The following LHFPL3 variants were observed in gnomAD, a reference collection of about 807,000 sequenced individuals.
LHFPL3 encodes LHFPL tetraspan subfamily member 3 protein.
In LHFPL3, 5 loss-of-function variants were observed where a neutral mutation model predicts 19.3. That is an observed-to-expected ratio of 0.26 (90% CI 0.14 to 0.54). LHFPL3 has a LOEUF of 0.54. Among genes scored for constraint, LHFPL3 ranks in the 20% least tolerant of loss-of-function variants. The probability of loss-of-function intolerance (pLI) is 0.94; values close to 1 mark genes in which losing one functional copy is unlikely to be tolerated. For synonymous variants in LHFPL3, 133 were observed against 126.2 expected (o/e 1.05, Z -0.36); for missense variants, 249 against 307.4 (o/e 0.81, Z 1.42).
chr7:104,870,337 A>T (rs1791808913), intron 2 of LHFPL3, among the ~76,000 whole-genome samples: 1 of 152,192 alleles, frequency 6.6e-6, no homozygotes, highest in South Asian at 2.1e-4. Flanking sequence ...TATAGCACAG[A>T]TGAGTTCAAA....
intron 1 of LHFPL3, among the ~76,000 whole-genome samples, chr7:104,365,215 C>T (rs539542424): frequency 6.6e-6 from 1 of 152,170 alleles, no homozygotes; most frequent in East Asian, 1.9e-4. Flanking sequence ...AGGAGAATTG[C>T]TTGAACCTGA....
intron 1 of LHFPL3, among the ~76,000 whole-genome samples, chr7:104,522,286 A>G (rs547595657): frequency 3.3e-5 from 5 of 151,456 alleles, no homozygotes; most frequent in African/African-American, 9.7e-5. Context: ...CTATCACAAG[A>G]ACAAAAAACC....
At chr7:104,668,975 C>T in intron 1 of LHFPL3, 1 of 1,612,320 alleles carries the variant, frequency 6.2e-7, no homozygotes, top group Non-Finnish European at 8.5e-7. Flanking sequence ...AGTGAAGAAA[C>T]TCAGGAACGG....
chr7:104,330,886 A>G (rs572838770), intron 1 of LHFPL3, among the ~76,000 whole-genome samples: 1 of 152,348 alleles, frequency 6.6e-6, no homozygotes, highest in East Asian at 1.9e-4. Flanking sequence ...GGACACACAC[A>G]TGCAGATGCT....
intron 1 of LHFPL3, among the ~76,000 whole-genome samples, chr7:104,659,301 C>T (rs1792178577): frequency 6.6e-6 from 1 of 152,202 alleles, no homozygotes; most frequent in Non-Finnish European, 1.5e-5. Flanking sequence ...TCCTCCTTGG[C>T]AGAATTCATC....
At chr7:104,630,084 A>G (rs1791613833) in intron 1 of LHFPL3, among the ~76,000 whole-genome samples, 1 of 152,204 alleles carries the variant, frequency 6.6e-6, no homozygotes, top group Non-Finnish European at 1.5e-5. Flanking sequence ...AGAAAGAAAT[A>G]TAGGAGAAAT....
chr7:104,330,152 C>T (rs1028028850), intron 1 of LHFPL3, among the ~76,000 whole-genome samples: 1 of 152,176 alleles, frequency 6.6e-6, no homozygotes, highest in African/African-American at 2.4e-5. Flanking sequence ...AGTCCTGAAA[C>T]AAAACTGACT....
chr7:104,819,682 G>T (rs1176586785), intron 2 of LHFPL3, among the ~76,000 whole-genome samples: 1 of 152,206 alleles, frequency 6.6e-6, no homozygotes, highest in African/African-American at 2.4e-5. Context: ...TCACAGGGAA[G>T]TCCTTTGCTT....
At chr7:104,340,679 G>A (rs929089144) in intron 1 of LHFPL3, among the ~76,000 whole-genome samples, 26 of 152,118 alleles carry the variant, frequency 1.7e-4, no homozygotes, top group African/African-American at 5.8e-4. Flanking sequence ...AAATGTTTGC[G>A]AGTATTTTTA....
intron 2 of LHFPL3, among the ~76,000 whole-genome samples, chr7:104,823,901 T>A (rs1038350113): frequency 2.6e-5 from 4 of 151,700 alleles, no homozygotes; most frequent in African/African-American, 9.7e-5. Context: ...ATCCCAGCAC[T>A]TTGGGAGGCC....
At chr7:104,784,740 T>C (rs982912257) in intron 2 of LHFPL3, among the ~76,000 whole-genome samples, 1 of 152,222 alleles carries the variant, frequency 6.6e-6, no homozygotes, top group Non-Finnish European at 1.5e-5. Flanking sequence ...AAACAAAATG[T>C]CATATGACTT....
rs200656262 is a variant in LHFPL3 at position 104,835,754 on chromosome 7, AATT to A, written c.683-70423_683-70421del. On this transcript the variant is annotated intron_variant, in intron 2 of 2. Transcript: ENST00000424859. ...TTGTTTCATATTGATCTACACGTTA[AATT>A]ATTATTATTTTTTTTTACTTTAAGT... Among the ~76,000 whole-genome samples the A allele has an allele frequency of 7.2e-3, 891 of 123,672 alleles. 21 individuals are homozygous for A. Among genetic ancestry groups the A allele is most frequent in the African/African-American group, 0.019 (747 of 38,650 alleles). The allele number at this position is 123,672 out of a possible 152,430, so 81.1% of individuals were successfully genotyped here. A position where few individuals can be genotyped will look rare whatever the true frequency, so the allele number is the denominator to read the frequency against.
At chr7:104,712,476 C>A (rs1793315883) in intron 1 of LHFPL3, among the ~76,000 whole-genome samples, 2 of 152,192 alleles carry the variant, frequency 1.3e-5, no homozygotes, top group Admixed American at 6.5e-5. Context: ...GACCTAATTA[C>A]CTCACAAAAT....
At chr7:104,419,943 C>T (rs930312594) in intron 1 of LHFPL3, among the ~76,000 whole-genome samples, 2 of 151,994 alleles carry the variant, frequency 1.3e-5, no homozygotes, top group Non-Finnish European at 2.9e-5. Flanking sequence ...CATCCTCAGT[C>T]TCCCAGAGTT....
At chr7:104,850,114 C>T (rs1048676058) in intron 2 of LHFPL3, among the ~76,000 whole-genome samples, 2 of 152,206 alleles carry the variant, frequency 1.3e-5, no homozygotes, top group Non-Finnish European at 2.9e-5. Flanking sequence ...ACCAGCCTGA[C>T]CAACATGGAG....
At chr7:104,848,198 C>T (rs1359783264) in intron 2 of LHFPL3, among the ~76,000 whole-genome samples, 9 of 152,104 alleles carry the variant, frequency 5.9e-5, no homozygotes, top group African/African-American at 1.4e-4. Context: ...CTCTTGATGC[C>T]GCCTCTGCAT....
intron 2 of LHFPL3, among the ~76,000 whole-genome samples, chr7:104,760,598 CAAAT>C (rs1383358157): frequency 2.0e-5 from 3 of 148,204 alleles, no homozygotes; most frequent in African/African-American, 7.4e-5. Flanking sequence ...GCTACATCAT[CAAAT>C]ATTTTCCTAG....
chr7:104,391,544 A>G (rs1211322841), intron 1 of LHFPL3, among the ~76,000 whole-genome samples: 1 of 152,028 alleles, frequency 6.6e-6, no homozygotes, highest in Non-Finnish European at 1.5e-5. Flanking sequence ...ATTGGTCTAT[A>G]TCTCTGTTTT....
At chr7:104,670,729 G>A (rs1396250164) in intron 1 of LHFPL3, among the ~76,000 whole-genome samples, 1 of 152,182 alleles carries the variant, frequency 6.6e-6, no homozygotes, top group African/African-American at 2.4e-5. Flanking sequence ...TGGATAAATA[G>A]GGACAGGGAC....
Sources: gnomAD v4.1 joint callset for allele counts (sites outside exome capture counted in the v4.1 genomes callset) on GRCh38, gnomAD v4.1.1 for gene constraint, MANE v1.5 for transcripts, NCBI Gene and HGNC (gene_info 2026-07-23, HGNC 2026-07-21) for gene names.